NBPF14: variants seen among roughly 807,000 people sequenced by gnomAD.
NBPF14 encodes the protein NBPF member 14, also known as NBPF family member NBPF14.
Under a neutral mutation model 91.2 loss-of-function variants are expected in NBPF14, and 104 were observed. The ratio of observed to expected loss-of-function variants is 1.14; its 90% CI spans 0.97 to 1.34. The LOEUF is 1.34. Ranked by LOEUF, NBPF14 falls within the 40% of genes most tolerant of loss-of-function variation. The pLI is 0.00. For synonymous variants in NBPF14, 294 were observed against 303.8 expected (o/e 0.97, Z 0.34); for missense variants, 908 against 783.0 (o/e 1.16, Z -1.91).
chr1:148,593,367 C>T lies in NBPF14; in HGVS notation c.278+231G>A, dbSNP rs1425066113. ...TGAATTTTGTGTTATGTAAATTTCA[C>T]CTCAACAATTACTTGTTTGAAAAAG... is the stretch of plus-strand genomic sequence containing the variant. On this transcript the variant is annotated intron_variant, in intron 3 of 70. Coordinates refer to ENST00000619423, the Ensembl canonical transcript of NBPF14. 8.7e-5 allele frequency among the ~76,000 whole-genome samples: 13 copies of T among 148,630 alleles called. 3 individuals are homozygous for T. The highest frequency in any genetic ancestry group is 1.7e-4 in the Non-Finnish European group (11 of 66,370).
At chr1:148,587,327 C>T in exon 8 of NBPF14, 1 of 1,581,676 alleles carries the variant, frequency 6.3e-7, no homozygotes, top group Admixed American at 1.7e-5. Flanking sequence ...GCTTCAGCTG[C>T]TCCGCAAGCT....
In NBPF14 at chr1:148,585,284, C is replaced by T. The variant is rs1661324535; in HGVS notation, c.1307-71G>A. 5 of 1,187,754 alleles carry T rather than the reference C, an allele frequency of 4.2e-6. No homozygotes were observed. In the Admixed American group the frequency reaches 8.4e-5, roughly 20 times the overall value. 73.6% of individuals were successfully genotyped at this position (1,187,754 alleles called of 1,614,324 possible). On this transcript the variant is annotated intron_variant, in intron 9 of 70. Coordinates refer to ENST00000619423, the Ensembl canonical transcript of NBPF14. ...CTGCAAGCACAGTCAGCCCAATGTG[C>T]AACAGAGACATGAACATCTAGGCAT...
At chr1:148,566,385 C>T (rs1228812651) in intron 28 of NBPF14, 70 bp from the exon 29 acceptor site, 5 of 720,266 alleles carry the variant, frequency 6.9e-6, no homozygotes, top group Non-Finnish European at 1.3e-5. Context: ...AACTAGGTTT[C>T]ATGGGTAGCA....
rs1330479891 is a variant in NBPF14 at position 148,566,512 on chromosome 1, C to G, written c.3543-197G>C. The stretch of plus-strand genomic sequence containing the variant: ...AAAGAATGAAAGAGAAAGACAGACA[C>G]ACACACACACACACACACACACACA... On this transcript the variant is annotated intron_variant, in intron 28 of 70. Coordinates refer to ENST00000619423, the Ensembl canonical transcript of NBPF14. Among the ~76,000 whole-genome samples the G allele has an allele frequency of 1.1e-3, 102 of 93,342 alleles. 2 individuals carry two copies. The highest frequency in any genetic ancestry group is 4.2e-3 in the South Asian group (13 of 3,128). The allele number at this position is 93,342 out of a possible 152,430, so 61.2% of individuals were successfully genotyped here.
intron 8 of NBPF14, 109 bp downstream of exon 8, chr1:148,587,192 T>A: frequency 7.5e-6 from 7 of 930,842 alleles, no homozygotes; most frequent in South Asian, 6.8e-5. Flanking sequence ...CCATGGCAAT[T>A]CCTGCCCTTC....
At chr1:148,539,224 T>G (rs1655479511) in intron 63 of NBPF14, among the ~76,000 whole-genome samples, 186 bp downstream of exon 63, 1 of 102,688 alleles carries the variant, frequency 9.7e-6, no homozygotes, top group Non-Finnish European at 1.9e-5. Flanking sequence ...AGAGCCTTGC[T>G]CACTGACCCA....
In NBPF14 at chr1:148,558,180, C is replaced by G. The variant is rs1412644051; in HGVS notation, c.4954+72G>C. The G allele has an allele frequency of 4.6e-5, 10 of 217,720 alleles. 1 individual carries two copies. In the African/African-American group the frequency reaches 1.5e-3, roughly 32 times the overall value. 13.5% of individuals were successfully genotyped at this position (217,720 alleles called of 1,614,324 possible). A position where few individuals can be genotyped will look rare whatever the true frequency, so the allele number is the denominator to read the frequency against. On this transcript the variant is annotated intron_variant, in intron 39 of 70. Coordinates refer to ENST00000619423, the Ensembl canonical transcript of NBPF14. Reference sequence around the variant, plus strand: ...ACGTCTCTCGGGTCAGTAAGGGGCACTTGGAACAGGAATATCACCCCTATC... The same window carrying G: ...ACGTCTCTCGGGTCAGTAAGGGGCAGTTGGAACAGGAATATCACCCCTATC...
Position 148,558,969 on chromosome 1 carries a change from G to A in NBPF14, c.4781+52C>T. 9.3e-6 allele frequency: 3 copies of A among 322,874 alleles called. 1 individual carries two copies. Among genetic ancestry groups the A allele is most frequent in the East Asian group, 5.6e-5 (1 of 17,744 alleles). The allele number at this position is 322,874 out of a possible 1,614,324, so 20.0% of individuals were successfully genotyped here. A position where few individuals can be genotyped will look rare whatever the true frequency, so the allele number is the denominator to read the frequency against. ...CACACTCTTGTTTTCCCTGGACCTG[G>A]CATCTCCAGGTGTCAACACAGAATT... On this transcript the variant is annotated intron_variant, in intron 38 of 70. Transcript: ENST00000619423.
At chr1:148,534,695 A>C (rs1411553398) in exon 69 of NBPF14, 1 of 825,088 alleles carries the variant, frequency 1.2e-6, no homozygotes, top group Non-Finnish European at 2.1e-6. Flanking sequence ...GTCCACGTCA[A>C]GAGCCAAGCC....
At chr1:148,591,693 G>C (rs1343755715) in intron 4 of NBPF14, among the ~76,000 whole-genome samples, 189 bp from the exon 5 acceptor site, 1 of 147,918 alleles carries the variant, frequency 6.8e-6, no homozygotes, top group Non-Finnish European at 1.5e-5. Flanking sequence ...TTCTGATGTG[G>C]AGGGCCACCA....
chr1:148,569,617 CAGACAGAGACAG>C (rs1432883456), intron 24 of NBPF14, among the ~76,000 whole-genome samples, 190 bp from the exon 25 acceptor site: 33 of 32,688 alleles, frequency 1.0e-3, no homozygotes, highest in Middle Eastern at 9.4e-3. Context: ...AAGAGAGAGA[CAGACAGAGACAG>C]AGACAGAGAC....
At chr1:148,561,728 G>T (rs1657758082) in intron 34 of NBPF14, 149 bp from the exon 35 acceptor site, 2 of 447,740 alleles carry the variant, frequency 4.5e-6, no homozygotes, top group Non-Finnish European at 7.4e-6. Flanking sequence ...CCTTCATGTT[G>T]GGACAGAACA....
intron 15 of NBPF14, 105 bp downstream of exon 15, chr1:148,577,078 G>A: frequency 4.5e-6 from 3 of 669,002 alleles, no homozygotes; most frequent in Non-Finnish European, 8.1e-6. Context: ...GGTTCTCCCT[G>A]TGGCAATGAC....
At position 148,593,407 on chromosome 1, in the gene NBPF14, T is replaced by C. The variant is rs1286233085; in HGVS notation, c.278+191A>G. Among the ~76,000 whole-genome samples, 5 of 148,644 alleles carry C rather than the reference T, an allele frequency of 3.4e-5. No individual in the cohort carries two copies. The East Asian group carries it at 9.7e-4, about 29-fold the overall frequency. On this transcript the variant is annotated intron_variant, in intron 3 of 70. Transcript: ENST00000619423. The stretch of plus-strand genomic sequence containing the variant: ...GTTTGAAAAAGAGAAAACAAGGCTC[T>C]AAGAAACAACTGCAACAGAGAACTT...
exon 70 of NBPF14, chr1:148,533,863 G>C (rs1654309039): frequency 1.3e-6 from 1 of 764,056 alleles, no homozygotes; most frequent in Non-Finnish European, 2.4e-6. Flanking sequence ...AAAGTCACCT[G>C]GGGCATGGTG....
intron 39 of NBPF14, 31 bp from the exon 40 acceptor site, chr1:148,557,573 A>C: frequency 2.9e-6 from 2 of 684,788 alleles, no homozygotes; most frequent in South Asian, 3.2e-5. Context: ...GACAGACAAA[A>C]TAAGCCAATT....
chr1:148,577,345 C>A lies in NBPF14; in HGVS notation c.1864G>T (p.Glu622Ter). Residue 622 changes from glutamate (E) to a stop codon, truncating the protein, a stop_gained, in exon 15 of 71, where the codon GAG (glutamate) becomes TAG (stop). Coordinates refer to ENST00000619423, the Ensembl canonical transcript of NBPF14. LOFTEE classifies it high-confidence loss of function. ...TCAGGCCCTTTCTCATCCAGCAGCT[C>A]CCTGCTGAGCCTGGAAAAGTGGGAA... 1 of 626,318 alleles carries A rather than the reference C, an allele frequency of 1.6e-6. No homozygotes were observed. The highest frequency in any genetic ancestry group is 2.8e-6 in the Non-Finnish European group (1 of 352,218). The allele number at this position is 626,318 out of a possible 1,614,324, so 38.8% of individuals were successfully genotyped here.
At chr1:148,577,224 A>G in exon 15 of NBPF14, 1 of 684,778 alleles carries the variant, frequency 1.5e-6, no homozygotes, top group Non-Finnish European at 2.6e-6. Context: ...TTGCTCCAAT[A>G]CATAAAAGGC....
At position 148,592,772 on chromosome 1, in the gene NBPF14, G is replaced by A; in HGVS notation, c.279-6C>T. ...GAACCAGGACTTTATATTGCCTAAG[G>A]TGAGACGGTAGAGAAAATTTAAGAG... On this transcript the variant is annotated splice_polypyrimidine_tract_variant and splice_region_variant and intron_variant, in intron 3 of 70. Transcript: ENST00000619423. 1 of 1,569,654 alleles carries A rather than the reference G, an allele frequency of 6.4e-7. No homozygotes were observed. Among genetic ancestry groups the A allele is most frequent in the Non-Finnish European group, 8.7e-7 (1 of 1,147,070 alleles).
Sources: allele counts gnomAD v4.1 joint callset (sites outside exome capture counted in the v4.1 genomes callset), GRCh38; gene constraint gnomAD v4.1.1; transcripts MANE v1.5; gene names NCBI Gene and HGNC (gene_info 2026-07-23, HGNC 2026-07-21).